The following LYRM4 variants were observed in gnomAD, a reference collection of about 807,000 sequenced individuals.
The protein encoded by LYRM4 is LYR motif containing 4.
LYRM4 carries 9 observed loss-of-function variants against 11.7 expected under a neutral mutation model. The observed-to-expected ratio is 0.77, with a 90% confidence interval of 0.46 to 1.34. LYRM4 has a LOEUF of 1.34. Among genes scored for constraint, LYRM4 ranks in the 40% most tolerant of loss-of-function variants. The pLI is 0.00. For missense variants in LYRM4, 133 were observed against 112.5 expected, an observed-to-expected ratio of 1.18 and a Z score of -0.82; for synonymous variants, 42 against 40.4, an observed-to-expected ratio of 1.04 and a Z score of -0.15.
chr6:5,139,815 G>C (rs1757305840), intron 2 of LYRM4, among the ~76,000 whole-genome samples: 1 of 149,920 alleles, frequency 6.7e-6, no homozygotes, highest in African/African-American at 2.4e-5. Context: ...GGCGTGGTGG[G>C]TCATGCCTGT....
At chr6:5,114,330 CTTTCT>C (rs1166853840) in intron 2 of LYRM4, among the ~76,000 whole-genome samples, 12 of 152,208 alleles carry the variant, frequency 7.9e-5, no homozygotes, top group South Asian at 2.1e-4. Context: ...TTATTGCCAG[CTTTCT>C]TTTATGTGTG....
chr6:5,181,237 A>C (rs1261333497), intron 2 of LYRM4, among the ~76,000 whole-genome samples: 1 of 152,228 alleles, frequency 6.6e-6, no homozygotes, highest in East Asian at 1.9e-4. Context: ...GAGCTTCTCC[A>C]ACTTCTTTGC....
intron 2 of LYRM4, among the ~76,000 whole-genome samples, chr6:5,126,068 C>A (rs1348636485): frequency 6.6e-6 from 1 of 152,210 alleles, no homozygotes; most frequent in Admixed American, 6.5e-5. Flanking sequence ...CTGTCACTTA[C>A]CTTTGGGACC....
chr6:5,201,157 A>C (rs948773997), intron 2 of LYRM4, among the ~76,000 whole-genome samples: 7 of 152,160 alleles, frequency 4.6e-5, no homozygotes, highest in Non-Finnish European at 1.0e-4. Flanking sequence ...AGAGTAATTT[A>C]GAGTGCAACA....
At chr6:5,059,883 CT>C in the LYRM4 span, among the ~76,000 whole-genome samples, 9 of 151,910 alleles carry the variant, frequency 5.9e-5, no homozygotes, top group African/African-American at 2.2e-4. Context: ...TCATTGCAGC[CT>C]TGAACTCCTG....
rs56951080 is a variant in LYRM4 at position 5,160,652 on chromosome 6, A to AC, written c.208-51162dup. Among the ~76,000 whole-genome samples the AC allele has an allele frequency of 8.9e-4, 132 of 147,752 alleles. 1 individual carries two copies. The highest frequency in any genetic ancestry group is 4.6e-3 in the East Asian group (23 of 5,012). On this transcript the variant is annotated intron_variant, in intron 2 of 2. Transcript: ENST00000330636. ...CTTTGCCTTCTGCCATGATTATGAG[A>AC]CCCCCCCCCCAGCAATGTGGAACTG...
intron 2 of LYRM4, chr6:5,186,590 G>C: frequency 1.0e-6 from 1 of 977,012 alleles, no homozygotes; most frequent in Non-Finnish European, 1.2e-6. Flanking sequence ...ATCTACAAAA[G>C]CACCAGAAGG....
chr6:5,249,748 AC>A (rs1272695930), intron 1 of LYRM4, among the ~76,000 whole-genome samples: 4 of 152,186 alleles, frequency 2.6e-5, no homozygotes, highest in Non-Finnish European at 5.9e-5. Context: ...TAGTTTTATT[AC>A]TTCATTTGGT....
intron 2 of LYRM4, among the ~76,000 whole-genome samples, chr6:5,174,605 G>A (rs1759616062): frequency 6.6e-6 from 1 of 152,178 alleles, no homozygotes; most frequent in African/African-American, 2.4e-5. Context: ...AGGGCAGGCA[G>A]AAAAATAAAT....
At chr6:5,040,640 G>A in the LYRM4 span, among the ~76,000 whole-genome samples, 25 of 152,072 alleles carry the variant, frequency 1.6e-4, no homozygotes, top group Non-Finnish European at 3.4e-4. Flanking sequence ...CTTCAACTTC[G>A]AGAATAATTT....
At chr6:5,247,294 G>C (rs1446308536) in intron 1 of LYRM4, among the ~76,000 whole-genome samples, 1 of 152,218 alleles carries the variant, frequency 6.6e-6, no homozygotes, top group Non-Finnish European at 1.5e-5. Flanking sequence ...GAGAGAAACA[G>C]AACACTAGAC....
Position 5,108,541 on chromosome 6 carries a change from C to T in LYRM4, c.*882G>A. On this transcript the variant is annotated 3_prime_UTR_variant, in exon 3 of 3. Transcript: ENST00000330636. ...ATAGAGAAAAATGACTGTGCCTCACCCCTCACTTACTGAGTCAGAATCTGC... is the reference window on the plus strand; with the variant it reads ...ATAGAGAAAAATGACTGTGCCTCACTCCTCACTTACTGAGTCAGAATCTGC... 2 of 466,898 alleles carry T rather than the reference C, an allele frequency of 4.3e-6. No homozygotes were observed. Among genetic ancestry groups the T allele is most frequent in the Non-Finnish European group, 5.6e-6 (2 of 355,874 alleles). The allele number at this position is 466,898 out of a possible 1,614,324, so 28.9% of individuals were successfully genotyped here. A position where few individuals can be genotyped will look rare whatever the true frequency, so the allele number is the denominator to read the frequency against.
chr6:5,256,243 A>T (rs981317135), intron 1 of LYRM4, among the ~76,000 whole-genome samples: 20 of 151,988 alleles, frequency 1.3e-4, no homozygotes, highest in African/African-American at 4.1e-4. Context: ...TAATCCCAGC[A>T]CTTTGGGAGG....
chr6:5,242,766 CTTTT>C (rs59883253), intron 1 of LYRM4, among the ~76,000 whole-genome samples: 4 of 128,082 alleles, frequency 3.1e-5, no homozygotes, highest in Admixed American at 1.6e-4. Flanking sequence ...GATTTCTGCT[CTTTT>C]TTTTTTTTTT....
chr6:5,250,411 T>C (rs947139272), intron 1 of LYRM4, among the ~76,000 whole-genome samples: 1 of 152,194 alleles, frequency 6.6e-6, no homozygotes, highest in Non-Finnish European at 1.5e-5. Context: ...TTGGCTGCTA[T>C]ATAATTTTCT....
intron 2 of LYRM4, among the ~76,000 whole-genome samples, chr6:5,184,743 G>A (rs1760280869): frequency 6.6e-6 from 1 of 152,172 alleles, no homozygotes; most frequent in Admixed American, 6.5e-5. Flanking sequence ...AGCATCTACT[G>A]TGGATCAGGT....
At chr6:5,105,442 C>T (rs1167282190), downstream of LYRM4, 1 of 152,440 alleles carries the variant, frequency 6.6e-6, no homozygotes, top group Admixed American at 6.5e-5. Flanking sequence ...CCCAATCCCC[C>T]ACTCCTCCGA....
At chr6:5,047,605 T>C in the LYRM4 span, among the ~76,000 whole-genome samples, 21 of 152,334 alleles carry the variant, frequency 1.4e-4, no homozygotes, top group East Asian at 3.7e-3. Context: ...AAGATACAGC[T>C]GAACACCATA....
rs1306676880 is a variant in LYRM4 at position 5,245,099 on chromosome 6, A to T, written c.86+15549T>A. Among the ~76,000 whole-genome samples, 218 of 47,348 alleles carry T rather than the reference A, an allele frequency of 4.6e-3. 13 individuals carry two copies. Among genetic ancestry groups the T allele is most frequent in the African/African-American group, 0.017 (192 of 11,554 alleles). The allele number at this position is 47,348 out of a possible 152,430, so 31.1% of individuals were successfully genotyped here. A position where few individuals can be genotyped will look rare whatever the true frequency, so the allele number is the denominator to read the frequency against. Reference sequence around the variant, plus strand: ...TTTGCAGGAAGACCTTAAAAAAAAAAAAAAAAAAAAAAAAATATATATATA... The same window carrying T: ...TTTGCAGGAAGACCTTAAAAAAAAATAAAAAAAAAAAAAAATATATATATA... On this transcript the variant is annotated intron_variant, in intron 1 of 2. Coordinates refer to ENST00000330636, the MANE Select transcript of LYRM4 (RefSeq NM_020408.6).
Sources: allele counts gnomAD v4.1 joint callset (sites outside exome capture counted in the v4.1 genomes callset), GRCh38; gene constraint gnomAD v4.1.1; transcripts MANE v1.5; gene names NCBI Gene and HGNC (gene_info 2026-07-23, HGNC 2026-07-21).